Variants in IL16 observed in about 807,000 individuals in gnomAD.
The protein encoded by IL16 is pro-interleukin-16.
In IL16, 67 loss-of-function variants were observed where a neutral mutation model predicts 110.1. The ratio of observed to expected loss-of-function variants is 0.61; its 90% CI spans 0.50 to 0.75. IL16 has a LOEUF of 0.75. Among genes scored for constraint, IL16 ranks in the 30% least tolerant of loss-of-function variants. IL16 has a pLI of 0.00. For missense variants in IL16, 1,545 were observed against 1,655.0 expected (o/e 0.93, Z 1.15); for synonymous variants, 689 against 662.9 (o/e 1.04, Z -0.61).
rs879568227 is a variant in IL16 at position 81,296,980 on chromosome 15, G to A, written c.1955G>A (p.Arg652Lys). 5 of 1,613,702 alleles carry A rather than the reference G, an allele frequency of 3.1e-6. No homozygotes were observed. Among genetic ancestry groups the A allele is most frequent in the Non-Finnish European group, 4.2e-6 (5 of 1,179,890 alleles). ...LLLPQEDTAG[R>K]SPSASAGCPG... is the part of the protein sequence containing the mutation. ...CTACCACAGGAAGACACAGCAGGGA[G>A]AAGCCCTAGTGCCTCTGCCGGCTGC... Residue 652 changes from arginine (R) to lysine (K), a missense_variant, in exon 13 of 19, where the codon AGA becomes AAA. Physicochemically the swap from Arg to Lys is conservative, Grantham distance 26. Around this residue, in one of 3 missense-constraint regions of IL16, gnomAD observed 1,185 missense variants for 1,238.8 expected, o/e 0.96. Coordinates refer to ENST00000683961, the MANE Select transcript of IL16 (RefSeq NM_172217.5).
At chr15:81,281,304 C>G (rs1437155543) in intron 8 of IL16, among the ~76,000 whole-genome samples, 1 of 152,314 alleles carries the variant, frequency 6.6e-6, no homozygotes, top group African/African-American at 2.4e-5. Flanking sequence ...AAGGGCCTTC[C>G]CCCACACTGT....
At position 81,273,149 on chromosome 15, in the gene IL16, C is replaced by T. The variant is rs753530668; in HGVS notation, c.735C>T (p.Tyr245=). 17 of 1,613,526 alleles carry T rather than the reference C, an allele frequency of 1.1e-5. No homozygotes were observed. The highest frequency in any genetic ancestry group is 6.7e-5 in the Admixed American group (4 of 59,958). Residue 245 remains tyrosine, a synonymous_variant, in exon 6 of 19, where the codon TAC becomes TAT. Coordinates refer to ENST00000683961, the MANE Select transcript of IL16 (RefSeq NM_172217.5). ...KDSIYGPIGI[Y]VKTIFAGGAA... is the part of the protein sequence containing the mutation. ...GCATTTATGGCCCCATTGGGATTTACGTCAAAACCATTTTTGCAGGGGGAG... is the reference window on the plus strand; with the variant it reads ...GCATTTATGGCCCCATTGGGATTTATGTCAAAACCATTTTTGCAGGGGGAG...
chr15:81,207,000 G>T (rs140926799), intron 1 of IL16, among the ~76,000 whole-genome samples: 3 of 151,954 alleles, frequency 2.0e-5, no homozygotes, highest in African/African-American at 4.8e-5. Context: ...TTGGGAGGCC[G>T]AGGCAGGTGG....
chr15:81,271,234 T>C (rs1180150125), intron 5 of IL16, among the ~76,000 whole-genome samples: 3 of 151,844 alleles, frequency 2.0e-5, no homozygotes, highest in African/African-American at 7.3e-5. Flanking sequence ...CTGGGTAACA[T>C]AGTAAGACCC....
intron 1 of IL16, among the ~76,000 whole-genome samples, chr15:81,189,380 T>C (rs1895465039): frequency 2.0e-5 from 3 of 152,154 alleles, no homozygotes; most frequent in Admixed American, 6.5e-5. Flanking sequence ...TGCCTTGGTC[T>C]CCTAAAGTGC....
intron 10 of IL16, chr15:81,289,957 T>C (rs775121498): frequency 7.1e-5 from 31 of 439,164 alleles, no homozygotes; most frequent in South Asian, 4.9e-4. Flanking sequence ...TGTTCACACC[T>C]AGACAGTAGA....
chr15:81,260,354 C>T (rs1470086884), intron 3 of IL16, among the ~76,000 whole-genome samples: 1 of 152,166 alleles, frequency 6.6e-6, no homozygotes, highest in African/African-American at 2.4e-5. Context: ...TTAACATATT[C>T]AGTTATTTCC....
chr15:81,235,681 GA>G (rs1287453172), intron 2 of IL16, among the ~76,000 whole-genome samples: 3 of 152,100 alleles, frequency 2.0e-5, no homozygotes, highest in Non-Finnish European at 4.4e-5. Context: ...AGTAGACCTG[GA>G]ACCCCATGTT....
At chr15:81,252,652 G>C (rs936205910) in intron 2 of IL16, among the ~76,000 whole-genome samples, 4 of 151,984 alleles carry the variant, frequency 2.6e-5, no homozygotes, top group Non-Finnish European at 5.9e-5. Flanking sequence ...CCTCATTCCT[G>C]CCCGATCCCT....
At chr15:81,272,867 C>A (rs1304031941) in intron 5 of IL16, among the ~76,000 whole-genome samples, 1 of 152,178 alleles carries the variant, frequency 6.6e-6, no homozygotes, top group Non-Finnish European at 1.5e-5. Flanking sequence ...CAGACACTAC[C>A]CAGCCCAGGC....
rs1900801813 is a variant in IL16, at chr15:81,310,638, G to A, written c.*1840G>A. ...AGGCTGGGCAAGGAGGCCACGTGAT[G>A]TGGAGGGCACATTCCTTGCCTGCAC... On this transcript the variant is annotated 3_prime_UTR_variant, in exon 19 of 19. Coordinates refer to ENST00000683961, the MANE Select transcript of IL16 (RefSeq NM_172217.5). 1 of 152,238 alleles carries A rather than the reference G, an allele frequency of 6.6e-6. No homozygotes were observed. The highest frequency in any genetic ancestry group is 2.1e-4 in the South Asian group (1 of 4,836). The allele number at this position is 152,238 out of a possible 1,614,324, so 9.4% of individuals were successfully genotyped here.
Position 81,303,770 on chromosome 15 carries a change from C to A in IL16, c.3420+120C>A. 1 of 704,246 alleles carries A rather than the reference C, an allele frequency of 1.4e-6. No individual in the cohort carries two copies. Among genetic ancestry groups the A allele is most frequent in the Non-Finnish European group, 2.6e-6 (1 of 389,588 alleles). 43.6% of individuals were successfully genotyped at this position (704,246 alleles called of 1,614,324 possible). On this transcript the variant is annotated intron_variant, in intron 16 of 18. Transcript: ENST00000683961. This position sits in a 1 kb window ranked among gnomAD's most constrained non-coding sequence, Gnocchi z 4.1. ...ATGAAGAATGCATGACACTAGGCCACTGGGCAGGTCCTGTCCACTCAGCAC... is the reference window on the plus strand; with the variant it reads ...ATGAAGAATGCATGACACTAGGCCAATGGGCAGGTCCTGTCCACTCAGCAC...
In IL16 at chr15:81,307,714, G is replaced by A. The variant is rs17875583; in HGVS notation, c.3806-891G>A. On this transcript the variant is annotated intron_variant, in intron 18 of 18. Transcript: ENST00000683961. Reference sequence around the variant, plus strand: ...AATGTTTAGGATGAGACTGCCAGCTGCAGGGTGATGTTGGAAGGAGAGATG... The same window carrying A: ...AATGTTTAGGATGAGACTGCCAGCTACAGGGTGATGTTGGAAGGAGAGATG... Among the ~76,000 whole-genome samples, 1,522 of 152,316 alleles carry A rather than the reference G, an allele frequency of 1.0e-2. 13 individuals carry two copies. Among genetic ancestry groups the A allele is most frequent in the Middle Eastern group, 0.02 (6 of 294 alleles).
chr15:81,285,864 G>A (rs751583637), intron 10 of IL16, 34 bp downstream of exon 10: 4 of 1,610,884 alleles, frequency 2.5e-6, no homozygotes, highest in East Asian at 2.2e-5. Flanking sequence ...TTCTTCTCAG[G>A]CTCACTCGTT....
intron 10 of IL16, among the ~76,000 whole-genome samples, chr15:81,288,643 C>A (rs1899559923): frequency 6.6e-6 from 1 of 152,142 alleles, no homozygotes; most frequent in Non-Finnish European, 1.5e-5. Context: ...ATCCTGGGAA[C>A]CACCATTTTA....
chr15:81,221,351 G>T (rs1386510008), intron 1 of IL16, among the ~76,000 whole-genome samples: 1 of 152,158 alleles, frequency 6.6e-6, no homozygotes, highest in Non-Finnish European at 1.5e-5. Context: ...AGAAAATCTG[G>T]CAAGAGTTTG....
chr15:81,235,772 G>A (rs764251859), intron 2 of IL16, among the ~76,000 whole-genome samples: 20 of 152,196 alleles, frequency 1.3e-4, no homozygotes, highest in Non-Finnish European at 1.9e-4. Context: ...TGTGAAAGGA[G>A]TGGCATTATA....
intron 2 of IL16, among the ~76,000 whole-genome samples, chr15:81,240,804 T>C (rs1897314630): frequency 6.6e-6 from 1 of 152,112 alleles, no homozygotes; most frequent in Non-Finnish European, 1.5e-5. Flanking sequence ...AACTTTAATG[T>C]GGGATTTATC....
intron 10 of IL16, among the ~76,000 whole-genome samples, 194 bp from the exon 11 acceptor site, chr15:81,290,259 C>T (rs921598554): frequency 1.3e-5 from 2 of 152,166 alleles, no homozygotes; most frequent in African/African-American, 4.8e-5. Flanking sequence ...AGACTTTGGA[C>T]TTTATCTAGA....
Sources: allele counts gnomAD v4.1 joint callset (sites outside exome capture counted in the v4.1 genomes callset), GRCh38; gene constraint gnomAD v4.1.1; regional missense constraint gnomAD v4.1.1; non-coding constraint Gnocchi (gnomAD v3.1); transcripts MANE v1.5; gene names NCBI Gene and HGNC (gene_info 2026-07-23, HGNC 2026-07-21).